PSTPIP2: variants seen among roughly 807,000 people sequenced by gnomAD.
PSTPIP2 encodes proline-serine-threonine phosphatase interacting protein 2, also known as proline-serine-threonine phosphatase-interacting protein 2.
In PSTPIP2, 33 loss-of-function variants were observed where a neutral mutation model predicts 63.3. That is an observed-to-expected ratio of 0.52 (90% CI 0.40 to 0.70). The LOEUF (loss-of-function observed/expected upper bound fraction) is 0.70. PSTPIP2 is among the 30% of genes least tolerant of loss of function. The pLI is 0.00. For synonymous variants in PSTPIP2, 125 were observed against 132.7 expected, an observed-to-expected ratio of 0.94 and a Z score of 0.40; for missense variants, 312 against 400.7, an observed-to-expected ratio of 0.78 and a Z score of 1.89.
intron 2 of PSTPIP2, chr18:46,028,503 G>C: frequency 9.4e-6 from 6 of 638,470 alleles, no homozygotes; most frequent in South Asian, 8.2e-5. Context: ...CGGCGATGTC[G>C]AGGACGACGA....
chr18:46,061,407 A>G (rs773905710), intron 1 of PSTPIP2, among the ~76,000 whole-genome samples: 2 of 152,150 alleles, frequency 1.3e-5, no homozygotes. Flanking sequence ...GATGAGATGG[A>G]GATTCGGAGG....
chr18:45,994,722 C>T (rs559344920), intron 9 of PSTPIP2, among the ~76,000 whole-genome samples: 2 of 152,042 alleles, frequency 1.3e-5, no homozygotes, highest in South Asian at 2.1e-4. Context: ...AACTCACAAC[C>T]GATTCTATTT....
chr18:46,045,949 C>T (rs759328471), intron 1 of PSTPIP2, among the ~76,000 whole-genome samples: 3 of 152,134 alleles, frequency 2.0e-5, no homozygotes, highest in Admixed American at 6.5e-5. Context: ...GCTTCAACAA[C>T]AACAAAAAAC....
chr18:46,033,660 T>C (rs976267308), intron 2 of PSTPIP2, among the ~76,000 whole-genome samples: 2 of 143,484 alleles, frequency 1.4e-5, no homozygotes, highest in Admixed American at 7.3e-5. Context: ...ATCATGCCAC[T>C]GAACTCCAGC....
intron 1 of PSTPIP2, among the ~76,000 whole-genome samples, chr18:46,068,451 C>T (rs1429607387): frequency 1.3e-5 from 2 of 152,256 alleles, no homozygotes; most frequent in East Asian, 3.9e-4. Flanking sequence ...GCGCCCACCA[C>T]CATGCCCGGG....
intron 9 of PSTPIP2, among the ~76,000 whole-genome samples, chr18:45,994,148 G>A (rs917418532): frequency 3.3e-5 from 5 of 152,018 alleles, no homozygotes; most frequent in Admixed American, 3.3e-4. Context: ...CTTGTCTTCT[G>A]TCTTTGTGTA....
chr18:45,986,601 G>A (rs891094182), intron 14 of PSTPIP2, among the ~76,000 whole-genome samples: 1 of 152,284 alleles, frequency 6.6e-6, no homozygotes. Context: ...CTCTAACTAG[G>A]GCCTTGCCCC....
At chr18:46,071,863 T>C (rs902252517) in intron 1 of PSTPIP2, among the ~76,000 whole-genome samples, 5 of 152,192 alleles carry the variant, frequency 3.3e-5, no homozygotes, top group African/African-American at 9.6e-5. Flanking sequence ...CACGCGCTGC[T>C]GGGGGCGCGG....
At chr18:46,012,110 G>A (rs959631859) in intron 4 of PSTPIP2, among the ~76,000 whole-genome samples, 3 of 152,028 alleles carry the variant, frequency 2.0e-5, no homozygotes, top group Non-Finnish European at 4.4e-5. Flanking sequence ...ATTCAAAAAA[G>A]AGTGGCTAAA....
At chr18:46,050,943 A>C (rs1304777538) in intron 1 of PSTPIP2, among the ~76,000 whole-genome samples, 1 of 151,608 alleles carries the variant, frequency 6.6e-6, no homozygotes, top group African/African-American at 2.4e-5. Context: ...GCTCACTGCA[A>C]CCTCCACCTC....
chr18:46,039,421 G>A (rs118147898), intron 2 of PSTPIP2, among the ~76,000 whole-genome samples: 1 of 151,922 alleles, frequency 6.6e-6, no homozygotes, highest in East Asian at 1.9e-4. Flanking sequence ...CTCTAACCAC[G>A]TGGGCCATCT....
intron 5 of PSTPIP2, among the ~76,000 whole-genome samples, chr18:46,008,304 AT>A (rs762899830): frequency 1.3e-5 from 2 of 152,010 alleles, no homozygotes; most frequent in African/African-American, 2.4e-5. Context: ...CTCAAGCTGT[AT>A]TCTATTTTTT....
Position 46,059,392 on chromosome 18 carries a change from G to A in PSTPIP2, c.33+12764C>T, listed in dbSNP as rs1016691070. On this transcript the variant is annotated intron_variant, in intron 1 of 14. Transcript: ENST00000409746. The stretch of plus-strand genomic sequence containing the variant: ...GCCTACCAAGTAGCTAGGATTACAG[G>A]TGCCTGCTACCACGCCCAGCTAACT... Among the ~76,000 whole-genome samples the A allele has an allele frequency of 1.2e-4, 18 of 152,006 alleles. 1 individual carries two copies. Among genetic ancestry groups the A allele is most frequent in the Admixed American group, 5.9e-4 (9 of 15,228 alleles).
intron 8 of PSTPIP2, among the ~76,000 whole-genome samples, chr18:45,998,542 C>T (rs910777396): frequency 3.9e-5 from 6 of 152,174 alleles, no homozygotes; most frequent in Non-Finnish European, 7.3e-5. Flanking sequence ...ACAGTGGCCT[C>T]ATAGCCTCCT....
At chr18:46,045,902 T>C (rs1908367316) in intron 1 of PSTPIP2, among the ~76,000 whole-genome samples, 1 of 152,154 alleles carries the variant, frequency 6.6e-6, no homozygotes. Flanking sequence ...GAGCTTTGCA[T>C]CACTGCACTC....
intron 1 of PSTPIP2, among the ~76,000 whole-genome samples, chr18:46,071,520 A>G (rs60986007): frequency 0.13 from 19,802 of 152,038 alleles, 1,692 homozygotes; most frequent in East Asian, 0.39. Flanking sequence ...CAGCCCCGCT[A>G]TGGGGCCTGG....
intron 2 of PSTPIP2, among the ~76,000 whole-genome samples, chr18:46,024,989 T>C (rs1907527455): frequency 6.6e-6 from 1 of 152,168 alleles, no homozygotes; most frequent in African/African-American, 2.4e-5. Flanking sequence ...TCCTCCATCT[T>C]TTCTAAGAGT....
At chr18:46,009,647 G>A (rs975709851) in intron 5 of PSTPIP2, among the ~76,000 whole-genome samples, 4 of 151,882 alleles carry the variant, frequency 2.6e-5, no homozygotes, top group African/African-American at 9.7e-5. Flanking sequence ...TTAGGATGAG[G>A]AAGTTTCAGA....
chr18:46,037,199 C>A (rs1908012828), intron 2 of PSTPIP2, among the ~76,000 whole-genome samples: 1 of 152,120 alleles, frequency 6.6e-6, no homozygotes, highest in African/African-American at 2.4e-5. Context: ...GTTGCCCAGG[C>A]TGGAGTGCAA....
Sources: allele counts gnomAD v4.1 joint callset (sites outside exome capture counted in the v4.1 genomes callset), GRCh38; gene constraint gnomAD v4.1.1; transcripts MANE v1.5; gene names NCBI Gene and HGNC (gene_info 2026-07-23, HGNC 2026-07-21).